ATXN1: variants seen among roughly 807,000 people sequenced by gnomAD.
The protein encoded by ATXN1 is ataxin-1.
In ATXN1, 8 loss-of-function variants were observed where a neutral mutation model predicts 56.4. The observed-to-expected ratio is 0.14, with a 90% CI of 0.08 to 0.26. ATXN1 has a LOEUF of 0.26. ATXN1 is among the 10% of genes least tolerant of loss of function. The probability of loss-of-function intolerance (pLI) is 1.00; values close to 1 mark genes in which losing one functional copy is unlikely to be tolerated. For missense variants in ATXN1, 987 were observed against 1,106.5 expected, an observed-to-expected ratio of 0.89 and a Z score of 1.53; for synonymous variants, 514 against 494.6, an observed-to-expected ratio of 1.04 and a Z score of -0.52.
intron 6 of ATXN1, among the ~76,000 whole-genome samples, chr6:16,373,500 CAGGTT>C (rs1581721174): frequency 6.6e-6 from 1 of 152,146 alleles, no homozygotes; most frequent in East Asian, 1.9e-4. Context: ...CATATCTGAT[CAGGTT>C]AGGGCATGAT....
intron 4 of ATXN1, among the ~76,000 whole-genome samples, chr6:16,543,743 T>A (rs1353167967): frequency 6.6e-6 from 1 of 152,008 alleles, no homozygotes; most frequent in Non-Finnish European, 1.5e-5. Context: ...GCTTCATGCT[T>A]GAGTTAAAGG....
intron 2 of ATXN1, chr6:16,739,156 T>C (rs1304883717): frequency 7.0e-6 from 1 of 142,624 alleles, no homozygotes; most frequent in African/African-American, 2.7e-5. Context: ...ATTTTGGTTG[T>C]GTTACGACTT....
chr6:16,524,732 C>T (rs540367904), intron 4 of ATXN1, among the ~76,000 whole-genome samples: 3 of 152,202 alleles, frequency 2.0e-5, no homozygotes, highest in Non-Finnish European at 4.4e-5. Flanking sequence ...AGGAAAGACA[C>T]AGGAGAGACT....
At chr6:16,682,202 A>C (rs1561806471) in intron 2 of ATXN1, among the ~76,000 whole-genome samples, 2 of 50,032 alleles carry the variant, frequency 4.0e-5, no homozygotes, top group Non-Finnish European at 3.9e-5. Flanking sequence ...ACTGGGGAGA[A>C]CTTTTTTTTT....
At chr6:16,572,098 G>GT (rs1762343103) in intron 4 of ATXN1, among the ~76,000 whole-genome samples, 1 of 152,172 alleles carries the variant, frequency 6.6e-6, no homozygotes, top group Non-Finnish European at 1.5e-5. Flanking sequence ...TGAAGTTTAA[G>GT]TCTACATGTT....
At chr6:16,416,352 C>G (rs1309608436) in intron 6 of ATXN1, among the ~76,000 whole-genome samples, 5 of 152,176 alleles carry the variant, frequency 3.3e-5, no homozygotes, top group African/African-American at 9.7e-5. Context: ...ATTTTATTGG[C>G]TCAATAATTA....
chr6:16,532,305 C>T (rs1337605654), intron 4 of ATXN1, among the ~76,000 whole-genome samples: 6 of 152,182 alleles, frequency 3.9e-5, no homozygotes, highest in Admixed American at 1.3e-4. Context: ...GTATATTCTG[C>T]AGCATCCACC....
intron 4 of ATXN1, among the ~76,000 whole-genome samples, chr6:16,582,826 A>G (rs1157599118): frequency 1.3e-5 from 2 of 152,118 alleles, no homozygotes; most frequent in Non-Finnish European, 2.9e-5. Flanking sequence ...CTGAGTCTTT[A>G]TTGATTTTGT....
chr6:16,355,937 C>G (rs1761676691), intron 6 of ATXN1, among the ~76,000 whole-genome samples: 1 of 152,204 alleles, frequency 6.6e-6, no homozygotes, highest in Non-Finnish European at 1.5e-5. Flanking sequence ...ACACGTCTTG[C>G]TCCAACCACC....
At chr6:16,587,915 C>T (rs1459549171) in intron 3 of ATXN1, among the ~76,000 whole-genome samples, 1 of 149,452 alleles carries the variant, frequency 6.7e-6, no homozygotes, top group African/African-American at 2.5e-5. Flanking sequence ...TGGGCATCAA[C>T]AGCGGAACTC....
In ATXN1 at chr6:16,304,987, T is replaced by G. The variant is rs1364811900; in HGVS notation, c.*1342A>C. ...TTGGTGGTCATTTATTGTCACATAC[T>G]AGTTCATAATTCACATTCATCCCTT... On this transcript the variant is annotated 3_prime_UTR_variant, in exon 8 of 8. Coordinates refer to ENST00000436367, the MANE Select transcript of ATXN1 (RefSeq NM_001128164.2). The G allele has an allele frequency of 6.5e-6, 1 of 152,688 alleles. No homozygotes were observed. Among genetic ancestry groups the G allele is most frequent in the Non-Finnish European group, 1.5e-5 (1 of 68,040 alleles). 9.5% of individuals were successfully genotyped at this position (152,688 alleles called of 1,614,324 possible). A position where few individuals can be genotyped will look rare whatever the true frequency, so the allele number is the denominator to read the frequency against.
At chr6:16,312,841 C>T (rs898515224) in intron 7 of ATXN1, among the ~76,000 whole-genome samples, 1 of 152,140 alleles carries the variant, frequency 6.6e-6, no homozygotes, top group African/African-American at 2.4e-5. Context: ...CATAAAAACC[C>T]TCCAACCAGC....
At chr6:16,479,547 T>C (rs7766262) in intron 6 of ATXN1, among the ~76,000 whole-genome samples, 46,688 of 152,132 alleles carry the variant, frequency 0.31, 8,799 homozygotes, top group Non-Finnish European at 0.42. Context: ...AAAATGAAGT[T>C]ACCTTTCTAT....
At chr6:16,332,237 A>G (rs943258893) in intron 6 of ATXN1, among the ~76,000 whole-genome samples, 1 of 152,170 alleles carries the variant, frequency 6.6e-6, no homozygotes, top group African/African-American at 2.4e-5. Flanking sequence ...AGTACTGATA[A>G]GGGGAAACCC....
At chr6:16,426,149 C>T (rs543127958) in intron 6 of ATXN1, among the ~76,000 whole-genome samples, 74 of 152,228 alleles carry the variant, frequency 4.9e-4, no homozygotes, top group African/African-American at 1.7e-3. Flanking sequence ...AATCTGCAAA[C>T]CTTTTGAGGA....
intron 6 of ATXN1, among the ~76,000 whole-genome samples, chr6:16,359,951 C>T (rs946854602): frequency 6.6e-6 from 1 of 152,048 alleles, no homozygotes; most frequent in Non-Finnish European, 1.5e-5. Context: ...TAAATGACTA[C>T]AAAATGGGTA....
intron 4 of ATXN1, among the ~76,000 whole-genome samples, chr6:16,535,356 T>C (rs897034699): frequency 5.3e-5 from 8 of 152,154 alleles, no homozygotes; most frequent in Non-Finnish European, 8.8e-5. Context: ...ATGGAGCATC[T>C]TGTAGTATCA....
chr6:16,492,406 CT>C (rs1168517091), intron 5 of ATXN1, among the ~76,000 whole-genome samples: 1 of 150,858 alleles, frequency 6.6e-6, no homozygotes, highest in Non-Finnish European at 1.5e-5. Context: ...CACATGTACC[CT>C]AAAACCTAAA....
intron 2 of ATXN1, among the ~76,000 whole-genome samples, chr6:16,687,262 G>T (rs17669102): frequency 0.2 from 30,499 of 152,064 alleles, 3,532 homozygotes; most frequent in Admixed American, 0.29. Flanking sequence ...TTCCACAAGG[G>T]TCTACCACAT....
Sources: allele counts gnomAD v4.1 joint callset (sites outside exome capture counted in the v4.1 genomes callset), GRCh38; gene constraint gnomAD v4.1.1; transcripts MANE v1.5; gene names NCBI Gene and HGNC (gene_info 2026-07-23, HGNC 2026-07-21).